The following MYOF variants were observed in gnomAD, a reference collection of about 807,000 sequenced individuals.
The protein encoded by MYOF is myoferlin.
MYOF carries 244 observed loss-of-function variants against 284.2 expected under a neutral mutation model. The ratio of observed to expected loss-of-function variants is 0.86; its 90% CI spans 0.77 to 0.95. MYOF has a LOEUF of 0.95. MYOF is among the 40% of genes least tolerant of loss of function. MYOF has a pLI of 0.00. For missense variants in MYOF, 2,496 were observed against 2,560.6 expected, an observed-to-expected ratio of 0.97 and a Z score of 0.54; for synonymous variants, 904 against 919.7, an observed-to-expected ratio of 0.98 and a Z score of 0.31.
At chr10:93,473,513 G>C (rs1051701024) in intron 1 of MYOF, among the ~76,000 whole-genome samples, 3 of 152,220 alleles carry the variant, frequency 2.0e-5, no homozygotes, top group African/African-American at 7.2e-5. Flanking sequence ...AATTTGCAGA[G>C]AGCCAACAAT....
Position 93,482,277 on chromosome 10 carries a change from G to T in MYOF, c.-83C>A, listed in dbSNP as rs539378031. The T allele has an allele frequency of 3.1e-5, 37 of 1,182,026 alleles. No individual in the cohort carries two copies. The African/African-American group carries it at 5.4e-4, about 17-fold the overall frequency. 73.2% of individuals were successfully genotyped at this position (1,182,026 alleles called of 1,614,324 possible). ...AGCTCCGGGTCGCACCGCCCTGGGA[G>T]AGAAGTTCTCTCCCAGTGAAGGGAG... On this transcript the variant is annotated 5_prime_UTR_variant, in exon 1 of 54. Transcript: ENST00000359263.
intron 24 of MYOF, among the ~76,000 whole-genome samples, chr10:93,371,144 C>T (rs559629612): frequency 6.7e-4 from 102 of 152,116 alleles, no homozygotes; most frequent in Middle Eastern, 3.4e-3. Context: ...AATGATTGTA[C>T]ATTATGTTAC....
intron 3 of MYOF, among the ~76,000 whole-genome samples, chr10:93,434,430 C>CA (rs71031508): frequency 0.11 from 13,193 of 124,204 alleles, 1,254 homozygotes; most frequent in East Asian, 0.59. Context: ...GACCCTGTCT[C>CA]AAAAAAAAAA....
Position 93,329,732 on chromosome 10 carries a change from A to G in MYOF, c.4914T>C (p.Ile1638=). ...AAAGGAATCGGTTTTCCAGATCAAT[A>G]ATTGTTTCTCCTACTTTTTCATCCC... The part of the protein sequence containing the change: ...FTRDEKVGET[I]IDLENRFLSR... Residue 1638 remains isoleucine (I), a synonymous_variant, in exon 44 of 54, where the codon ATT becomes ATC. Coordinates refer to ENST00000359263, the MANE Select transcript of MYOF (RefSeq NM_013451.4). 2 of 1,614,226 alleles carry G rather than the reference A, an allele frequency of 1.2e-6. No homozygotes were observed. The highest frequency in any genetic ancestry group is 1.7e-6 in the Non-Finnish European group (2 of 1,180,042).
At chr10:93,473,176 G>C (rs1564745115) in intron 1 of MYOF, among the ~76,000 whole-genome samples, 1 of 152,178 alleles carries the variant, frequency 6.6e-6, no homozygotes, top group Non-Finnish European at 1.5e-5. Context: ...TTAAGTGAGA[G>C]GTTATGTCAA....
rs78168303 is a variant in MYOF at position 93,457,381 on chromosome 10, T to A, written c.89-444A>T. Reference sequence around the variant, plus strand: ...TTTCAGCTCTGAAGCTCATGCTGCATCTGAGTGTGCTAAGATGCCAACACA... The same window carrying A: ...TTTCAGCTCTGAAGCTCATGCTGCAACTGAGTGTGCTAAGATGCCAACACA... On this transcript the variant is annotated intron_variant, in intron 1 of 53. Coordinates refer to ENST00000359263, the MANE Select transcript of MYOF (RefSeq NM_013451.4). 7.2e-3 allele frequency among the ~76,000 whole-genome samples: 1,103 copies of A among 152,346 alleles called. 5 individuals are homozygous for A. The highest frequency in any genetic ancestry group is 0.012 in the Non-Finnish European group (793 of 68,024).
intron 3 of MYOF, among the ~76,000 whole-genome samples, chr10:93,442,576 G>A (rs1354009766): frequency 2.0e-5 from 3 of 152,058 alleles, no homozygotes; most frequent in Admixed American, 6.5e-5. Flanking sequence ...CCTACAATAC[G>A]GCAAAACAGA....
At chr10:93,467,530 T>C (rs1339869044) in intron 1 of MYOF, among the ~76,000 whole-genome samples, 1 of 152,110 alleles carries the variant, frequency 6.6e-6, no homozygotes, top group East Asian at 1.9e-4. Flanking sequence ...TTGGTGGGAC[T>C]GTAAACTAGT....
At chr10:93,427,598 A>AT (rs1196403212) in intron 4 of MYOF, among the ~76,000 whole-genome samples, 1 of 151,878 alleles carries the variant, frequency 6.6e-6, no homozygotes, top group African/African-American at 2.4e-5. Context: ...ATAAAATAGG[A>AT]TAAAAAAAGG....
chr10:93,465,712 AC>A (rs1161850776), intron 1 of MYOF, among the ~76,000 whole-genome samples: 5 of 151,398 alleles, frequency 3.3e-5, no homozygotes, highest in Non-Finnish European at 1.5e-5. Context: ...ATGGGGTTTT[AC>A]CATGTTGGCC....
In MYOF at chr10:93,351,286, T is replaced by C; in HGVS notation, c.3832A>G (p.Asn1278Asp). The change falls in exon 35 of 54, where the codon AAC becomes GAC. Residue 1278 changes from asparagine (N) to aspartate (D), a missense_variant. Coordinates refer to ENST00000359263, the MANE Select transcript of MYOF (RefSeq NM_013451.4). ...ELILRGKDGS[N>D]LPILPPQRAP... ...CTTTGAGGGGGAAGAATGGGAAGGT[T>C]GGAGCCATCCTGTGAAACAAACATG... 1 of 1,613,128 alleles carries C rather than the reference T, an allele frequency of 6.2e-7. No homozygotes were observed. The highest frequency in any genetic ancestry group is 1.7e-5 in the Admixed American group (1 of 59,874).
chr10:93,463,581 T>C (rs1183665336), intron 1 of MYOF, among the ~76,000 whole-genome samples: 1 of 151,564 alleles, frequency 6.6e-6, no homozygotes, highest in Non-Finnish European at 1.5e-5. Context: ...TGTATTTTAG[T>C]AGAGATGGGG....
chr10:93,454,267 A>G (rs895494717), intron 2 of MYOF, among the ~76,000 whole-genome samples: 4 of 152,226 alleles, frequency 2.6e-5, no homozygotes, highest in African/African-American at 9.6e-5. Flanking sequence ...GTTTGGTTTC[A>G]ATTATAAAAC....
rs567008205 is a variant in MYOF, at chr10:93,435,278, C to T, written c.237-3762G>A. Among the ~76,000 whole-genome samples the T allele has an allele frequency of 2.6e-5, 4 of 152,316 alleles. No individual in the cohort carries two copies. The East Asian group carries it at 7.7e-4, about 29-fold the overall frequency. ...AACAGTGCAACATGCTGGGACAATG[C>T]TGAAGTAGAAAGAGGGCCAGCCTGG... On this transcript the variant is annotated intron_variant, in intron 3 of 53. Transcript: ENST00000359263.
chr10:93,329,000 G>T (rs961677550), intron 44 of MYOF, 89 bp from the exon 45 acceptor site: 4 of 1,376,154 alleles, frequency 2.9e-6, no homozygotes, highest in Non-Finnish European at 3.9e-6. Flanking sequence ...ACTCTTAGGT[G>T]CTCCCATATA....
At chr10:93,337,451 A>G (rs984696132) in intron 40 of MYOF, 4 of 202,096 alleles carry the variant, frequency 2.0e-5, no homozygotes, top group Non-Finnish European at 4.0e-5. Context: ...AAAGTACACA[A>G]CAAAGCATGT....
At chr10:93,363,442 GA>G (rs1845171486) in intron 27 of MYOF, among the ~76,000 whole-genome samples, 1 of 152,220 alleles carries the variant, frequency 6.6e-6, no homozygotes, top group Non-Finnish European at 1.5e-5. Context: ...GAGGCTGGAG[GA>G]TTGCTTGAAG....
At chr10:93,307,110 T>G (rs1376227800) in intron 53 of MYOF, 109 bp from the exon 54 acceptor site, 3 of 1,039,458 alleles carry the variant, frequency 2.9e-6, no homozygotes, top group Non-Finnish European at 4.3e-6. Flanking sequence ...AGATGATTCT[T>G]TCTTGTTGGG....
At chr10:93,480,250 C>T (rs1186406270) in intron 1 of MYOF, among the ~76,000 whole-genome samples, 1 of 152,066 alleles carries the variant, frequency 6.6e-6, no homozygotes, top group African/African-American at 2.4e-5. Flanking sequence ...CCTCATTGTC[C>T]TTTAAGAGCC....
Sources: gnomAD v4.1 joint callset for allele counts (sites outside exome capture counted in the v4.1 genomes callset) on GRCh38, gnomAD v4.1.1 for gene constraint, MANE v1.5 for transcripts, NCBI Gene and HGNC (gene_info 2026-07-23, HGNC 2026-07-21) for gene names.